MDGA2: variants seen among roughly 807,000 people sequenced by gnomAD.
MDGA2 encodes the protein MAM domain-containing glycosylphosphatidylinositol anchor protein 2.
MDGA2 carries 40 observed loss-of-function variants against 117.8 expected under a neutral mutation model. The ratio of observed to expected loss-of-function variants is 0.34; its 90% CI spans 0.26 to 0.44. MDGA2 has a LOEUF of 0.44. MDGA2 is among the 20% of genes least tolerant of loss of function. The pLI, the probability that MDGA2 is intolerant of heterozygous loss-of-function variation, is 1.00. For synonymous variants in MDGA2, 452 were observed against 439.0 expected (o/e 1.03, Z -0.37); for missense variants, 1,123 against 1,250.6 (o/e 0.90, Z 1.54).
chr14:47,138,844 G>A (rs1294052646), intron 4 of MDGA2, among the ~76,000 whole-genome samples: 1 of 152,034 alleles, frequency 6.6e-6, no homozygotes, highest in Admixed American at 6.6e-5. Context: ...TAGTAAGTGA[G>A]TGGAAGGACG....
chr14:46,951,355 C>T (rs1332911851), intron 9 of MDGA2, among the ~76,000 whole-genome samples: 1 of 151,966 alleles, frequency 6.6e-6, no homozygotes, highest in Non-Finnish European at 1.5e-5. Flanking sequence ...CCCAATGATT[C>T]CTGTCTCTTG....
Position 47,110,894 on chromosome 14 carries a change from G to A in MDGA2, c.926-13771C>T, listed in dbSNP as rs956160145. ...TCACATCAGGGGATTAATTAGCTAGGCCAACAATTACTACCAAATAAACTC... is the reference window on the plus strand; with the variant it reads ...TCACATCAGGGGATTAATTAGCTAGACCAACAATTACTACCAAATAAACTC... On this transcript the variant is annotated intron_variant, in intron 5 of 16. Coordinates refer to ENST00000399232, the MANE Select transcript of MDGA2 (RefSeq NM_001113498.3). Among the ~76,000 whole-genome samples, 63 of 152,042 alleles carry A rather than the reference G, an allele frequency of 4.1e-4. 1 individual carries two copies. Among genetic ancestry groups the A allele is most frequent in the African/African-American group, 1.5e-3 (62 of 41,418 alleles).
At chr14:46,845,966 T>G in intron 15 of MDGA2, 95 bp from the exon 16 acceptor site, 1 of 847,892 alleles carries the variant, frequency 1.2e-6, no homozygotes. Flanking sequence ...AACTTGTCAG[T>G]AATCCTGGCA....
intron 6 of MDGA2, among the ~76,000 whole-genome samples, chr14:47,061,855 T>C (rs1447800343): frequency 6.6e-6 from 1 of 152,016 alleles, no homozygotes; most frequent in Non-Finnish European, 1.5e-5. Flanking sequence ...CTTAAGTCTA[T>C]GTGCAATTAT....
chr14:46,931,335 A>G (rs1376777140), intron 9 of MDGA2, among the ~76,000 whole-genome samples: 2 of 151,868 alleles, frequency 1.3e-5, no homozygotes, highest in African/African-American at 4.8e-5. Context: ...GAAATATGTT[A>G]AATTTTGTCA....
chr14:47,012,380 A>G lies in MDGA2; in HGVS notation c.1819+22631T>C, dbSNP rs77195854. Among the ~76,000 whole-genome samples the G allele has an allele frequency of 2.5e-3, 375 of 152,228 alleles. 8 individuals carry two copies. In the East Asian group the frequency reaches 0.047, roughly 19 times the overall value. ...TTATTATATCATTTAGTAATTTTTT[A>G]TTAATAGTTCATTTTCAAATACCAA... On this transcript the variant is annotated intron_variant, in intron 8 of 16. Transcript: ENST00000399232.
At chr14:47,041,840 A>G (rs190995212) in intron 7 of MDGA2, among the ~76,000 whole-genome samples, 47 of 152,236 alleles carry the variant, frequency 3.1e-4, no homozygotes, top group South Asian at 2.1e-4. Context: ...AACTATGTGG[A>G]AAAATATCAT....
intron 7 of MDGA2, among the ~76,000 whole-genome samples, chr14:47,059,827 T>C (rs1162498828): frequency 2.0e-5 from 3 of 152,106 alleles, no homozygotes; most frequent in Non-Finnish European, 4.4e-5. Flanking sequence ...TATGGGAAAC[T>C]ATCCCTCAGA....
At chr14:47,013,759 C>T (rs1887976713) in intron 8 of MDGA2, among the ~76,000 whole-genome samples, 2 of 84,962 alleles carry the variant, frequency 2.4e-5, no homozygotes, top group Admixed American at 2.7e-4. Flanking sequence ...GGTATGAAAA[C>T]ATTAATTTCC....
At chr14:47,285,818 A>C (rs1348753694) in intron 2 of MDGA2, among the ~76,000 whole-genome samples, 3 of 152,142 alleles carry the variant, frequency 2.0e-5, no homozygotes, top group African/African-American at 7.2e-5. Context: ...GCAGAAGCAC[A>C]GGCAAATACA....
chr14:47,673,532 C>G (rs1033488087), intron 1 of MDGA2, among the ~76,000 whole-genome samples: 2 of 152,046 alleles, frequency 1.3e-5, no homozygotes, highest in Non-Finnish European at 2.9e-5. Flanking sequence ...CACCTCTAAC[C>G]TCCCACCAGA....
At chr14:47,104,991 C>T (rs1448938326) in intron 5 of MDGA2, among the ~76,000 whole-genome samples, 1 of 152,094 alleles carries the variant, frequency 6.6e-6, no homozygotes, top group Non-Finnish European at 1.5e-5. Context: ...TCTGTGAACC[C>T]AAAACTCCGG....
intron 8 of MDGA2, among the ~76,000 whole-genome samples, chr14:46,959,670 T>C (rs1885713961): frequency 1.3e-5 from 2 of 152,194 alleles, no homozygotes; most frequent in Admixed American, 1.3e-4. Flanking sequence ...CTACTCTTTA[T>C]TGCCTTCTTT....
intron 1 of MDGA2, among the ~76,000 whole-genome samples, chr14:47,339,987 A>C (rs191720759): frequency 6.6e-6 from 1 of 152,308 alleles, no homozygotes; most frequent in East Asian, 1.9e-4. Flanking sequence ...AGTCCTAAAA[A>C]ATAATAATAG....
At chr14:47,672,399 T>G (rs1898090881) in intron 1 of MDGA2, among the ~76,000 whole-genome samples, 1 of 152,228 alleles carries the variant, frequency 6.6e-6, no homozygotes, top group Admixed American at 6.5e-5. Flanking sequence ...AAACACAGGA[T>G]TATTTTAATG....
intron 1 of MDGA2, among the ~76,000 whole-genome samples, chr14:47,400,112 C>G (rs955366142): frequency 6.6e-6 from 1 of 152,084 alleles, no homozygotes; most frequent in African/African-American, 2.4e-5. Flanking sequence ...AGGTGCAGAA[C>G]ATTTAAAAGT....
intron 10 of MDGA2, among the ~76,000 whole-genome samples, chr14:46,917,538 T>A (rs1348793941): frequency 6.6e-6 from 1 of 152,170 alleles, no homozygotes; most frequent in African/African-American, 2.4e-5. Context: ...CCGTATTGGC[T>A]AGAATTGGAA....
intron 9 of MDGA2, among the ~76,000 whole-genome samples, chr14:46,923,649 C>T (rs1347518584): frequency 6.6e-6 from 1 of 151,420 alleles, no homozygotes; most frequent in Non-Finnish European, 1.5e-5. Context: ...TCACAGCATA[C>T]TTTCTACTGA....
intron 10 of MDGA2, among the ~76,000 whole-genome samples, chr14:46,892,083 A>G (rs550964634): frequency 6.6e-6 from 1 of 152,016 alleles, no homozygotes; most frequent in East Asian, 1.9e-4. Flanking sequence ...ATGTTTTTTA[A>G]ATAAGCTTAT....
Sources: gnomAD v4.1 joint callset for allele counts (sites outside exome capture counted in the v4.1 genomes callset) on GRCh38, gnomAD v4.1.1 for gene constraint, MANE v1.5 for transcripts, NCBI Gene and HGNC (gene_info 2026-07-23, HGNC 2026-07-21) for gene names.